PRODH2: variants seen among roughly 807,000 people sequenced by gnomAD.
PRODH2 encodes hydroxyproline dehydrogenase.
PRODH2 carries 49 observed loss-of-function variants against 51.9 expected under a neutral mutation model. The ratio of observed to expected loss-of-function variants is 0.94; its 90% CI spans 0.75 to 1.20. The LOEUF is 1.20. Ranked by LOEUF, PRODH2 falls within the 50% of genes most tolerant of loss-of-function variation. PRODH2 has a pLI of 0.00. For missense variants in PRODH2, 597 were observed against 610.9 expected (o/e 0.98, Z 0.24); for synonymous variants, 249 against 260.7 (o/e 0.96, Z 0.43).
At position 35,812,550 on chromosome 19, in the gene PRODH2, C is replaced by T; in HGVS notation, c.181G>A (p.Ala61Thr). 3 of 1,613,550 alleles carry T rather than the reference C, an allele frequency of 1.9e-6. No individual in the cohort carries two copies. The highest frequency in any genetic ancestry group is 1.1e-5 in the South Asian group (1 of 91,042). ...PLVTHGLLLQAWSRRLLGSRL... is the reference protein window; with the variant it reads ...PLVTHGLLLQTWSRRLLGSRL... ...GAGCCCAGGAGTCGCCGAGACCAGG[C>T]CTGGAGCTGGGTGACAGGGAGCGAG... is the stretch of plus-strand genomic sequence containing the variant. The change falls in exon 2 of 10, where the codon GCC becomes ACC. Residue 61 changes from alanine (A) to threonine (T), a missense_variant. Transcript: ENST00000653904.
At chr19:35,800,269 A>T in intron 9 of PRODH2, 47 bp from the exon 10 acceptor site, 1 of 1,483,306 alleles carries the variant, frequency 6.7e-7, no homozygotes, top group Non-Finnish European at 9.0e-7. Context: ...TGTTTTTCTG[A>T]GACAGAGTCT....
chr19:35,800,175 C>T lies in PRODH2; in HGVS notation c.1246G>A (p.Glu416Lys), dbSNP rs1363237412. 1 of 1,602,974 alleles carries T rather than the reference C, an allele frequency of 6.2e-7. No individual in the cohort carries two copies. ...VYKSIPYGSL[E>K]EVIPYLIRRA... ...CGGATCAGGTAGGGGATTACCTCCT[C>T]CAAGGAGCCATAGGGAATGGACTTA... Residue 416 changes from glutamate (E) to lysine (K), a missense_variant, in exon 10 of 10, where the codon GAG (glutamate) becomes AAG (lysine). Physicochemically the swap from Glu to Lys is moderately conservative, Grantham distance 56 (BLOSUM62 1). Transcript: ENST00000653904.
chr19:35,810,101 C>T (rs1040268954), intron 4 of PRODH2, among the ~76,000 whole-genome samples: 1 of 150,088 alleles, frequency 6.7e-6, no homozygotes, highest in Non-Finnish European at 1.5e-5. Flanking sequence ...AGCCTCATCC[C>T]TACTAAAAAT....
intron 7 of PRODH2, among the ~76,000 whole-genome samples, chr19:35,803,946 C>T (rs1035560363): frequency 1.8e-4 from 12 of 64,880 alleles, no homozygotes; most frequent in Non-Finnish European, 6.3e-4. Flanking sequence ...TCTTCCCTAT[C>T]GCCCCCCAGA....
Position 35,807,110 on chromosome 19 carries a change from G to GA in PRODH2, c.608dup (p.Ser204LeufsTer6). On this transcript the variant is annotated frameshift_variant, in exon 5 of 10. Coordinates refer to ENST00000653904, the MANE Select transcript of PRODH2 (RefSeq NM_021232.2). LOFTEE classifies it high-confidence loss of function. ...GGTTCTGCTCAGCATTGAGGCAGGA[G>GA]ACCTGGAGGTTCTAGGGGGCAGCAG... The GA allele has an allele frequency of 6.4e-7, 1 of 1,552,136 alleles. No homozygotes were observed.
rs545149764 is a variant in PRODH2, at chr19:35,810,614, C to T, written c.597+1348G>A. Among the ~76,000 whole-genome samples the T allele has an allele frequency of 3.4e-4, 51 of 152,018 alleles. 1 individual carries two copies. The East Asian group carries it at 6.4e-3, about 19-fold the overall frequency. ...TCGGTTTACTGCAACCTCCGCCTCC[C>T]GGTTCAAGCGATTCTCCTGCCTCAG... On this transcript the variant is annotated intron_variant, in intron 4 of 9. Coordinates refer to ENST00000653904, the MANE Select transcript of PRODH2 (RefSeq NM_021232.2).
At chr19:35,804,330 G>A (rs1400672242) in intron 7 of PRODH2, among the ~76,000 whole-genome samples, 1 of 152,182 alleles carries the variant, frequency 6.6e-6, no homozygotes, top group Non-Finnish European at 1.5e-5. Flanking sequence ...TGGGATTACA[G>A]GTGTGAGGCC....
At chr19:35,805,673 T>C (rs779038502) in intron 7 of PRODH2, among the ~76,000 whole-genome samples, 2 of 152,128 alleles carry the variant, frequency 1.3e-5, no homozygotes, top group African/African-American at 2.4e-5. Context: ...GCCTCCCAAG[T>C]AGTTGGGATG....
At position 35,812,359 on chromosome 19, in the gene PRODH2, C is replaced by T. The variant is rs1972626609; in HGVS notation, c.371+1G>A. On this transcript the variant is annotated splice_donor_variant, in intron 2 of 9. Coordinates refer to ENST00000653904, the MANE Select transcript of PRODH2 (RefSeq NM_021232.2). LOFTEE classifies it high-confidence loss of function. ...TCCCTGGGCCCTGGCTCCCTACTCACCCACTCTTGGCAGCAGAGTCCGGCT... is the reference window on the plus strand; with the variant it reads ...TCCCTGGGCCCTGGCTCCCTACTCATCCACTCTTGGCAGCAGAGTCCGGCT... The T allele has an allele frequency of 1.2e-6, 2 of 1,611,966 alleles. No homozygotes were observed. Among genetic ancestry groups the T allele is most frequent in the Non-Finnish European group, 1.7e-6 (2 of 1,178,366 alleles).
At chr19:35,808,927 G>A (rs139184592) in intron 4 of PRODH2, among the ~76,000 whole-genome samples, 41 of 150,972 alleles carry the variant, frequency 2.7e-4, no homozygotes, top group African/African-American at 8.8e-4. Flanking sequence ...CTACAGGCAC[G>A]TGCCACCACT....
intron 9 of PRODH2, among the ~76,000 whole-genome samples, chr19:35,801,603 T>G (rs1401327472): frequency 6.6e-6 from 1 of 151,988 alleles, no homozygotes; most frequent in Non-Finnish European, 1.5e-5. Context: ...CGGGGGGACA[T>G]TGAGTCAGTC....
Position 35,812,494 on chromosome 19 carries a change from G to C in PRODH2, c.237C>G (p.Ser79=). 1 of 1,614,196 alleles carries C rather than the reference G, an allele frequency of 6.2e-7. No homozygotes were observed. Among genetic ancestry groups the C allele is most frequent in the Non-Finnish European group, 8.5e-7 (1 of 1,180,002 alleles). The part of the protein sequence containing the change: ...SRLSGAFLRA[S]VYGQFVAGET... ...CACCAGCCACAAACTGCCCATAGAC[G>C]GATGCTCGGAGAAATGCGCCTGAGA... The change falls in exon 2 of 10, where the codon TCC becomes TCG. Residue 79 remains serine (S), a synonymous_variant. Transcript: ENST00000653904.
chr19:35,811,386 A>AAG (rs143049724), intron 4 of PRODH2, among the ~76,000 whole-genome samples: 51 of 135,418 alleles, frequency 3.8e-4, no homozygotes, highest in South Asian at 5.3e-4. Context: ...GACAAAGAGA[A>AAG]AGAGAGAGAG....
At chr19:35,809,351 C>G (rs1972565532) in intron 4 of PRODH2, among the ~76,000 whole-genome samples, 1 of 152,014 alleles carries the variant, frequency 6.6e-6, no homozygotes, top group Admixed American at 6.6e-5. Context: ...CTGCCTTAGC[C>G]TCCACACCAG....
chr19:35,805,193 ACTG>A (rs966217111), intron 7 of PRODH2, among the ~76,000 whole-genome samples: 2 of 152,182 alleles, frequency 1.3e-5, no homozygotes, highest in Non-Finnish European at 2.9e-5. Context: ...ACTAAACTCC[ACTG>A]AATTGTACAT....
Position 35,806,584 on chromosome 19 carries a change from G to T in PRODH2, c.847C>A (p.Arg283=), listed in dbSNP as rs201263714. The T allele has an allele frequency of 3.1e-6, 5 of 1,613,990 alleles. No homozygotes were observed. The highest frequency in any genetic ancestry group is 1.1e-5 in the South Asian group (1 of 91,088). The change falls in exon 7 of 10, where the codon CGG becomes AGG. Residue 283 remains arginine (R), a synonymous_variant. Transcript: ENST00000653904. ...GCAGCCTCTGCATCCCTCCCCAGCC[G>T]CTCGAATGTGTCCTATAGGGCACGC... The part of the protein sequence containing the change: ...YQACLKDTFE[R]LGRDAEAAHR...
chr19:35,811,312 G>T (rs901666209), intron 4 of PRODH2, among the ~76,000 whole-genome samples: 1 of 151,602 alleles, frequency 6.6e-6, no homozygotes, highest in Non-Finnish European at 1.5e-5. Flanking sequence ...CAGAACTTTG[G>T]GGGGCTGAGG....
chr19:35,802,129 G>C, intron 9 of PRODH2, 62 bp downstream of exon 9: 8 of 1,486,614 alleles, frequency 5.4e-6, no homozygotes, highest in Non-Finnish European at 7.5e-6. Context: ...ATAGGAGAAG[G>C]GCTCTGGCTG....
chr19:35,810,404 G>T (rs1972590448), intron 4 of PRODH2, among the ~76,000 whole-genome samples: 1 of 151,886 alleles, frequency 6.6e-6, no homozygotes, highest in South Asian at 2.1e-4. Context: ...GCCACCCAGG[G>T]GTTCACCCCA....
Sources: gnomAD v4.1 joint callset for allele counts (sites outside exome capture counted in the v4.1 genomes callset) on GRCh38, gnomAD v4.1.1 for gene constraint, MANE v1.5 for transcripts, NCBI Gene and HGNC (gene_info 2026-07-23, HGNC 2026-07-21) for gene names.